Variants in BTAF1 observed in about 807,000 individuals in gnomAD.
The protein encoded by BTAF1 is B-TFIID TATA-box binding protein associated factor 1.
A neutral mutation model predicts 227.1 loss-of-function variants in BTAF1; 38 were observed. The ratio of observed to expected loss-of-function variants is 0.17; its 90% CI spans 0.13 to 0.22. The LOEUF is 0.22. Ranked by LOEUF, BTAF1 falls within the 10% of genes least tolerant of loss-of-function variation. The pLI, the probability that BTAF1 is intolerant of heterozygous loss-of-function variation, is 1.00. For synonymous variants in BTAF1, 742 were observed against 751.9 expected, an observed-to-expected ratio of 0.99 and a Z score of 0.21; for missense variants, 1,598 against 2,204.0, an observed-to-expected ratio of 0.73 and a Z score of 5.51.
Position 91,959,760 on chromosome 10 carries a change from ATATATATATAT to A in BTAF1, c.991-19_991-9del. On this transcript the variant is annotated splice_polypyrimidine_tract_variant and intron_variant, in intron 9 of 37. Coordinates refer to ENST00000265990, the MANE Select transcript of BTAF1 (RefSeq NM_003972.3). ...TGTGTGTATATATATATATATATAT[ATATATATATAT>A]TATATTTTAACAGATGATTCAGCAG... is the stretch of plus-strand genomic sequence containing the variant. The A allele has an allele frequency of 3.6e-6, 2 of 558,888 alleles. No homozygotes were observed. Among genetic ancestry groups the A allele is most frequent in the South Asian group, 7.7e-5 (2 of 25,808 alleles). 34.6% of individuals were successfully genotyped at this position (558,888 alleles called of 1,614,324 possible).
At chr10:92,006,750 A>G (rs1849915610) in intron 25 of BTAF1, among the ~76,000 whole-genome samples, 1 of 152,220 alleles carries the variant, frequency 6.6e-6, no homozygotes, top group African/African-American at 2.4e-5. Flanking sequence ...AATGTCAGCC[A>G]AATACCAAAG....
At chr10:91,924,161 A>G in intron 1 of BTAF1, 71 bp downstream of exon 1, 2 of 1,563,926 alleles carry the variant, frequency 1.3e-6, no homozygotes, top group East Asian at 2.5e-5. Context: ...TAGAGCCCCC[A>G]CTCCTAGAGA....
intron 2 of BTAF1, among the ~76,000 whole-genome samples, chr10:91,939,072 T>C (rs1306916054): frequency 1.3e-5 from 2 of 152,116 alleles, no homozygotes. Flanking sequence ...CTGAAGTCTT[T>C]GAATCCATGA....
chr10:91,956,952 C>T (rs898489179), intron 7 of BTAF1, among the ~76,000 whole-genome samples: 5 of 151,652 alleles, frequency 3.3e-5, no homozygotes, highest in African/African-American at 4.8e-5. Flanking sequence ...ATTGCACCAC[C>T]GCACTCTAGC....
At chr10:91,949,282 C>G (rs1845591265) in intron 4 of BTAF1, among the ~76,000 whole-genome samples, 1 of 152,162 alleles carries the variant, frequency 6.6e-6, no homozygotes, top group Non-Finnish European at 1.5e-5. Flanking sequence ...TACTGCAGTC[C>G]AGCGTGAGTA....
intron 6 of BTAF1, 84 bp downstream of exon 6, chr10:91,953,957 C>A: frequency 6.6e-7 from 1 of 1,525,936 alleles, no homozygotes; most frequent in South Asian, 1.2e-5. Flanking sequence ...TAGAAACATT[C>A]TGCTGACATA....
chr10:91,942,313 TGTGTG>T (rs1845069890), intron 3 of BTAF1, 104 bp from the exon 4 acceptor site: 1 of 827,548 alleles, frequency 1.2e-6, no homozygotes, highest in African/African-American at 1.7e-5. Flanking sequence ...TGTGTGTGTG[TGTGTG>T]TGTGTGTGTG....
At chr10:91,978,790 C>A (rs369983059) in intron 14 of BTAF1, among the ~76,000 whole-genome samples, 3 of 147,830 alleles carry the variant, frequency 2.0e-5, no homozygotes, top group Admixed American at 6.8e-5. Flanking sequence ...TGAGAATGCT[C>A]CTCCAATGGA....
In BTAF1 at chr10:91,992,162, G is replaced by A. The variant is rs562974443; in HGVS notation, c.2898G>A (p.Lys966=). 4.7e-5 allele frequency: 75 copies of A among 1,611,372 alleles called. No homozygotes were observed. The highest frequency in any genetic ancestry group is 2.9e-4 in the African/African-American group (22 of 74,860). Residue 966 remains lysine, a synonymous_variant, in exon 21 of 38, where the codon AAG becomes AAA. Transcript: ENST00000265990. ...ATGGAATGCACCATACTGTCACCAAGCACAGAGGTATAATTACACTCTACA... is the reference window on the plus strand; with the variant it reads ...ATGGAATGCACCATACTGTCACCAAACACAGAGGTATAATTACACTCTACA... ...EKDGMHHTVT[K]HRGIITLYRH...
intron 1 of BTAF1, among the ~76,000 whole-genome samples, chr10:91,932,875 C>T (rs1021957273): frequency 5.9e-5 from 9 of 152,218 alleles, no homozygotes; most frequent in African/African-American, 2.2e-4. Flanking sequence ...CTCAGGCACA[C>T]CCGAAGATCA....
intron 26 of BTAF1, 146 bp from the exon 27 acceptor site, chr10:92,008,683 T>C: frequency 1.4e-6 from 1 of 706,286 alleles, no homozygotes; most frequent in Non-Finnish European, 2.1e-6. Context: ...TAGTAAAATC[T>C]TGTGTTTAGT....
rs1172572020 is a variant in BTAF1, at chr10:92,011,104, A to G, written c.4135A>G (p.Ile1379Val). The G allele has an allele frequency of 3.7e-6, 6 of 1,607,102 alleles. No homozygotes were observed. The highest frequency in any genetic ancestry group is 5.1e-6 in the Non-Finnish European group (6 of 1,177,642). ...GCACCAAGTAAAAAGGCACAATCTA[A>G]TAGTGGCTTCATATGATGTTGTGAG... ...LQHQVKRHNLIVASYDVVRND... is the reference protein window; with the variant it reads ...LQHQVKRHNLVVASYDVVRND... Residue 1379 changes from isoleucine (I) to valine (V), a missense_variant, in exon 29 of 38, where the codon ATA (isoleucine) becomes GTA (valine). Ile to Val is a conservative substitution (Grantham distance 29). Around this residue, in one of 10 missense-constraint regions of BTAF1, gnomAD observed 184 missense variants for 341.1 expected, o/e 0.54. Transcript: ENST00000265990.
intron 25 of BTAF1, among the ~76,000 whole-genome samples, chr10:91,999,456 G>A (rs1011496525): frequency 2.6e-5 from 4 of 151,932 alleles, no homozygotes; most frequent in Non-Finnish European, 5.9e-5. Flanking sequence ...GTGCAATGGC[G>A]CGACCTCAGC....
At chr10:91,951,622 A>T (rs937748339) in intron 5 of BTAF1, 56 bp downstream of exon 5, 13 of 1,492,202 alleles carry the variant, frequency 8.7e-6, no homozygotes, top group South Asian at 2.7e-5. Context: ...GGTTTGCTTC[A>T]TTTTGTTTAT....
At chr10:91,937,687 G>A (rs1238505654) in intron 2 of BTAF1, among the ~76,000 whole-genome samples, 1 of 152,050 alleles carries the variant, frequency 6.6e-6, no homozygotes, top group African/African-American at 2.4e-5. Context: ...TTTTTTGGTT[G>A]ATGAATATTT....
At position 91,994,465 on chromosome 10, in the gene BTAF1, T is replaced by G. The variant is rs1849004187; in HGVS notation, c.3200-70T>G. On this transcript the variant is annotated intron_variant, in intron 22 of 37. Coordinates refer to ENST00000265990, the MANE Select transcript of BTAF1 (RefSeq NM_003972.3). ...TCTCCTATGCTAGCTGAAAAAGTGC[T>G]AAAAGTTTTTGTGTGCTCTAGATTT... The G allele has an allele frequency of 5.1e-6, 6 of 1,183,934 alleles. No individual in the cohort carries two copies. The South Asian group carries it at 8.2e-5, about 16-fold the overall frequency. 73.3% of individuals were successfully genotyped at this position (1,183,934 alleles called of 1,614,324 possible).
At chr10:91,984,168 C>T in intron 18 of BTAF1, 33 bp from the exon 19 acceptor site, 2 of 1,584,254 alleles carry the variant, frequency 1.3e-6, no homozygotes, top group Non-Finnish European at 1.7e-6. Flanking sequence ...AATGTTCATA[C>T]AGTTACCCTA....
chr10:91,982,138 A>G lies in BTAF1; in HGVS notation c.1961A>G (p.Gln654Arg). The G allele has an allele frequency of 1.2e-6, 2 of 1,614,000 alleles. No homozygotes were observed. The highest frequency in any genetic ancestry group is 1.1e-5 in the South Asian group (1 of 91,072). ...QGQSQNKEVL[Q>R]EYIAGADTIM... Reference sequence around the variant, plus strand: ...CAAAGCCAGAATAAAGAAGTACTTCAGGAGTATATTGCAGGTGCCGACACC... The same window carrying G: ...CAAAGCCAGAATAAAGAAGTACTTCGGGAGTATATTGCAGGTGCCGACACC... Residue 654 changes from glutamine to arginine, a missense_variant, in exon 17 of 38, where the codon CAG becomes CGG. Gln to Arg is a conservative substitution (Grantham distance 43). Coordinates refer to ENST00000265990, the MANE Select transcript of BTAF1 (RefSeq NM_003972.3).
intron 19 of BTAF1, among the ~76,000 whole-genome samples, chr10:91,987,347 G>A (rs1428948056): frequency 6.6e-6 from 1 of 152,044 alleles, no homozygotes; most frequent in African/African-American, 2.4e-5. Flanking sequence ...GCCGGGCGTG[G>A]TGGTGGGTGC....
Sources: allele counts gnomAD v4.1 joint callset (sites outside exome capture counted in the v4.1 genomes callset), GRCh38; gene constraint gnomAD v4.1.1; regional missense constraint gnomAD v4.1.1; transcripts MANE v1.5; gene names NCBI Gene and HGNC (gene_info 2026-07-23, HGNC 2026-07-21).